Variants in RNF32 observed in about 807,000 individuals in gnomAD.
RNF32 encodes ring finger protein 32.
A neutral mutation model predicts 41.0 loss-of-function variants in RNF32; 36 were observed. That is an observed-to-expected ratio of 0.88 (90% CI 0.67 to 1.16). RNF32 has a LOEUF of 1.16. Among genes scored for constraint, RNF32 ranks in the 50% most tolerant of loss-of-function variants. RNF32 has a pLI of 0.00. For missense variants in RNF32, 413 were observed against 436.7 expected (o/e 0.95, Z 0.48); for synonymous variants, 154 against 160.9 (o/e 0.96, Z 0.32).
At chr7:156,655,514 T>C (rs1006541281) in intron 4 of RNF32, among the ~76,000 whole-genome samples, 5 of 152,166 alleles carry the variant, frequency 3.3e-5, no homozygotes, top group Admixed American at 3.3e-4. Context: ...ACACAGCAAA[T>C]ACAGTTAAAA....
In RNF32 at chr7:156,675,684, C is replaced by CT; in HGVS notation, c.685-12_685-11insT. On this transcript the variant is annotated splice_polypyrimidine_tract_variant and intron_variant, in intron 7 of 8. Transcript: ENST00000317955. ...TCAGGTGTGAGCTTACCCGCCCCCG[C>CT]CTCCTCCTCAGTTCACAGAAATCAG... The CT allele has an allele frequency of 1.3e-6, 2 of 1,599,798 alleles. No individual in the cohort carries two copies.
intron 3 of RNF32, among the ~76,000 whole-genome samples, chr7:156,650,834 TTCA>T (rs1317839613): frequency 2.6e-5 from 4 of 152,232 alleles, no homozygotes; most frequent in Non-Finnish European, 4.4e-5. Flanking sequence ...AGTCTTACTG[TTCA>T]TTTGTTTCTC....
In RNF32 at chr7:156,658,344, T is replaced by C. The variant is rs1800056343; in HGVS notation, c.575+92T>C. 1.9e-6 allele frequency: 3 copies of C among 1,571,056 alleles called. No individual in the cohort carries two copies. The South Asian group carries it at 3.4e-5, about 18-fold the overall frequency. On this transcript the variant is annotated intron_variant, in intron 6 of 8. Transcript: ENST00000317955. ...TTGAATAGTGGGATTTTATCTCTCT[T>C]CTTGGCCACCATAATTTCCCCAGGG...
intron 7 of RNF32, among the ~76,000 whole-genome samples, chr7:156,660,821 G>C (rs77903979): frequency 0.018 from 2,807 of 152,312 alleles, 84 homozygotes; most frequent in African/African-American, 0.065. Flanking sequence ...CCGGGCGGTT[G>C]GATTACGGTT....
intron 7 of RNF32, among the ~76,000 whole-genome samples, chr7:156,667,484 T>G (rs941432728): frequency 1.3e-5 from 2 of 152,252 alleles, no homozygotes; most frequent in Admixed American, 6.5e-5. Context: ...ATTCATTCTT[T>G]GTAAAATTGA....
At chr7:156,642,170 C>G (rs565453081) in intron 1 of RNF32, among the ~76,000 whole-genome samples, 1 of 152,328 alleles carries the variant, frequency 6.6e-6, no homozygotes. Context: ...TCCATAGGTT[C>G]TTAGAAACTG....
At chr7:156,640,377 C>T (rs768304077), upstream of RNF32, 7 of 439,844 alleles carry the variant, frequency 1.6e-5, 1 homozygote, top group South Asian at 6.4e-5. Flanking sequence ...ACAAAGCCGC[C>T]GGGGGCTGCG....
At chr7:156,667,615 C>T (rs2131592935) in intron 7 of RNF32, among the ~76,000 whole-genome samples, 1 of 152,262 alleles carries the variant, frequency 6.6e-6, no homozygotes, top group South Asian at 2.1e-4. Flanking sequence ...CTAAGGTCAT[C>T]TAACCCACAT....
chr7:156,643,875 G>T lies in RNF32; in HGVS notation c.-3G>T. The T allele has an allele frequency of 6.2e-7, 1 of 1,611,232 alleles. No individual in the cohort carries two copies. On this transcript the variant is annotated 5_prime_UTR_variant, in exon 2 of 9. Coordinates refer to ENST00000317955, the MANE Select transcript of RNF32 (RefSeq NM_030936.4). ...GCCAAGCAACAACTTTTCCTAATTC[G>T]GCATGTTAAAAAATAAGGTACGCTA... is the stretch of plus-strand genomic sequence containing the variant.
intron 3 of RNF32, 66 bp downstream of exon 3, chr7:156,644,823 T>C (rs1013369717): frequency 1.4e-6 from 2 of 1,438,118 alleles, no homozygotes; most frequent in Non-Finnish European, 1.9e-6. Context: ...AGATTAATAG[T>C]ATAATTTTTT....
At chr7:156,663,988 T>C in intron 7 of RNF32, among the ~76,000 whole-genome samples, 1 of 152,340 alleles carries the variant, frequency 6.6e-6, no homozygotes, top group East Asian at 1.9e-4. Flanking sequence ...GTGCCTGCTC[T>C]CTGCCTGTGC....
intron 7 of RNF32, among the ~76,000 whole-genome samples, chr7:156,664,073 G>C (rs540506126): frequency 6.6e-5 from 10 of 152,338 alleles, no homozygotes; most frequent in African/African-American, 1.2e-4. Context: ...AGCTCAGAGC[G>C]GGGAGAGAGC....
At chr7:156,675,016 G>A (rs150974077) in intron 7 of RNF32, among the ~76,000 whole-genome samples, 2 of 152,166 alleles carry the variant, frequency 1.3e-5, no homozygotes, top group African/African-American at 2.4e-5. Flanking sequence ...CTGGAGCCCT[G>A]TAAGTTAAGC....
At chr7:156,668,939 G>A (rs776008717) in intron 7 of RNF32, 12 of 152,118 alleles carry the variant, frequency 7.9e-5, no homozygotes, top group Admixed American at 1.3e-4. Context: ...ACATATAAAG[G>A]GAATTGTTTT....
At chr7:156,653,143 C>T (rs2131427994) in intron 3 of RNF32, among the ~76,000 whole-genome samples, 1 of 152,300 alleles carries the variant, frequency 6.6e-6, no homozygotes, top group East Asian at 1.9e-4. Flanking sequence ...AAGCTCCATT[C>T]ATGGTGAGTG....
intron 7 of RNF32, among the ~76,000 whole-genome samples, chr7:156,663,359 A>G (rs1042451824): frequency 6.6e-6 from 1 of 152,264 alleles, no homozygotes; most frequent in African/African-American, 2.4e-5. Context: ...TGCATATTAT[A>G]TAAATCCACA....
At position 156,670,255 on chromosome 7, in the gene RNF32, C is replaced by T. The variant is rs184043284; in HGVS notation, c.685-5441C>T. ...CAGAGGAGCTGGATGCTAAGCACGG[C>T]TGGCTCTACTGTTTTGACTTTGGCT... On this transcript the variant is annotated intron_variant, in intron 7 of 8. Coordinates refer to ENST00000317955, the MANE Select transcript of RNF32 (RefSeq NM_030936.4). This position sits in a 1 kb window ranked among gnomAD's most constrained non-coding sequence, Gnocchi z 4.3. Among the ~76,000 whole-genome samples the T allele has an allele frequency of 8.3e-4, 127 of 152,322 alleles. No individual in the cohort carries two copies. The East Asian group carries it at 0.017, about 20-fold the overall frequency.
chr7:156,642,255 C>T (rs904279126), intron 1 of RNF32, among the ~76,000 whole-genome samples: 1 of 152,112 alleles, frequency 6.6e-6, no homozygotes, highest in Non-Finnish European at 1.5e-5. Flanking sequence ...AGGAAAGTTC[C>T]CACAGCACAT....
chr7:156,661,717 C>A (rs1800702371), intron 7 of RNF32, among the ~76,000 whole-genome samples: 1 of 152,238 alleles, frequency 6.6e-6, no homozygotes, highest in Admixed American at 6.5e-5. Flanking sequence ...TCACTGCAGG[C>A]ACCACACTGT....
Sources: gnomAD v4.1 joint callset for allele counts (sites outside exome capture counted in the v4.1 genomes callset) on GRCh38, gnomAD v4.1.1 for gene constraint, Gnocchi (gnomAD v3.1) non-coding constraint, MANE v1.5 for transcripts, NCBI Gene and HGNC (gene_info 2026-07-23, HGNC 2026-07-21) for gene names.